The following KAZN variants were observed in gnomAD, a reference collection of about 807,000 sequenced individuals.
KAZN encodes the protein kazrin.
A neutral mutation model predicts 87.4 loss-of-function variants in KAZN; 40 were observed. That is an observed-to-expected ratio of 0.46 (90% CI 0.36 to 0.60). KAZN has a LOEUF of 0.60. Among genes scored for constraint, KAZN ranks in the 20% least tolerant of loss-of-function variants. The pLI is 0.00. For missense variants in KAZN, 898 were observed against 1,073.9 expected, an observed-to-expected ratio of 0.84 and a Z score of 2.29; for synonymous variants, 466 against 458.3, an observed-to-expected ratio of 1.02 and a Z score of -0.22.
intron 2 of KAZN, among the ~76,000 whole-genome samples, chr1:14,537,799 G>A (rs1284640422): frequency 6.6e-6 from 1 of 152,168 alleles, no homozygotes; most frequent in Non-Finnish European, 1.5e-5. Context: ...ATAGCACAAG[G>A]CTTAACTTCA....
chr1:15,024,261 A>C (rs1670964578), intron 2 of KAZN, among the ~76,000 whole-genome samples: 1 of 152,204 alleles, frequency 6.6e-6, no homozygotes, highest in African/African-American at 2.4e-5. Context: ...CATCACCTGC[A>C]TCGCCTGCTG....
intron 2 of KAZN, among the ~76,000 whole-genome samples, chr1:14,251,331 A>G (rs1251789215): frequency 6.6e-6 from 1 of 152,198 alleles, no homozygotes; most frequent in Admixed American, 6.5e-5. Flanking sequence ...GCTCTCAACC[A>G]TTCCCCTCCC....
chr1:14,656,241 G>A (rs999217172), intron 1 of KAZN, among the ~76,000 whole-genome samples: 2 of 152,158 alleles, frequency 1.3e-5, no homozygotes, highest in Non-Finnish European at 2.9e-5. Flanking sequence ...TTGCCATCAG[G>A]GAGGGAGCTG....
At chr1:14,054,132 A>AT (rs1488545762) in intron 1 of KAZN, among the ~76,000 whole-genome samples, 1 of 151,854 alleles carries the variant, frequency 6.6e-6, no homozygotes, top group African/African-American at 2.4e-5. Context: ...TTGAAAAAAA[A>AT]CTCCAAGAAA....
At chr1:14,222,136 C>A (rs565432260) in intron 2 of KAZN, 1 of 152,226 alleles carries the variant, frequency 6.6e-6, no homozygotes, top group African/African-American at 2.4e-5. Flanking sequence ...TAATTTGCTC[C>A]GGATTCTTTG....
rs1191057181 is a variant in KAZN, at chr1:14,781,324, G to GA, written c.227-179352dup. On this transcript the variant is annotated intron_variant, in intron 1 of 14. Coordinates refer to ENST00000376030, the MANE Select transcript of KAZN (RefSeq NM_201628.3). ...GCAACAGAGAAAGACTCTGTCTGAA[G>GA]AAAAAAAACAAAAAACAAAAAAGGC... Among the ~76,000 whole-genome samples the GA allele has an allele frequency of 3.3e-5, 5 of 151,452 alleles. No individual in the cohort carries two copies. In the East Asian group the frequency reaches 5.8e-4, roughly 18 times the overall value.
At chr1:15,015,916 C>T (rs1283277758) in intron 2 of KAZN, among the ~76,000 whole-genome samples, 4 of 152,162 alleles carry the variant, frequency 2.6e-5, no homozygotes, top group African/African-American at 4.8e-5. Flanking sequence ...ACACTGTGAT[C>T]GGAGGGCAGG....
At chr1:14,611,450 C>T (rs1287540331) in intron 1 of KAZN, among the ~76,000 whole-genome samples, 1 of 152,126 alleles carries the variant, frequency 6.6e-6, no homozygotes, top group Non-Finnish European at 1.5e-5. Context: ...TATGCACCCT[C>T]CCGAGGTGGG....
In KAZN at chr1:15,077,786, C is replaced by T. The variant is rs923614552; in HGVS notation, c.1222+12033C>T. Among the ~76,000 whole-genome samples the T allele has an allele frequency of 2.0e-5, 3 of 152,114 alleles. No individual in the cohort carries two copies. Among genetic ancestry groups the T allele is most frequent in the African/African-American group, 4.8e-5 (2 of 41,416 alleles). On this transcript the variant is annotated intron_variant, in intron 8 of 14. Coordinates refer to ENST00000376030, the MANE Select transcript of KAZN (RefSeq NM_201628.3). This position sits in a 1 kb window ranked among gnomAD's most constrained non-coding sequence, Gnocchi z 4.8. ...AGCAGCTGCAGGCCTCCCAGGGATG[C>T]GGACAGGGGCTCAGAATGAGGAATG...
intron 1 of KAZN, among the ~76,000 whole-genome samples, chr1:14,645,256 T>G (rs748933276): frequency 2.0e-5 from 3 of 152,198 alleles, no homozygotes; most frequent in African/African-American, 4.8e-5. Flanking sequence ...CTTTGTTCTT[T>G]TTGCTTGAAG....
At chr1:14,407,112 A>G (rs1663914790) in intron 2 of KAZN, among the ~76,000 whole-genome samples, 1 of 152,178 alleles carries the variant, frequency 6.6e-6, no homozygotes, top group Non-Finnish European at 1.5e-5. Context: ...ACATTACACT[A>G]GCAACATTTG....
intron 1 of KAZN, among the ~76,000 whole-genome samples, chr1:14,683,538 G>T (rs1470290087): frequency 2.0e-5 from 3 of 152,166 alleles, no homozygotes; most frequent in Non-Finnish European, 4.4e-5. Context: ...CCTGTGACAT[G>T]GTGTTGACAC....
chr1:14,263,500 T>C (rs1333550362), intron 2 of KAZN, among the ~76,000 whole-genome samples: 4 of 152,206 alleles, frequency 2.6e-5, no homozygotes, highest in Non-Finnish European at 4.4e-5. Context: ...CTCTCTAATA[T>C]GACTCTGGCA....
At chr1:14,795,476 T>C (rs887131144) in intron 1 of KAZN, among the ~76,000 whole-genome samples, 6 of 152,176 alleles carry the variant, frequency 3.9e-5, no homozygotes, top group Admixed American at 2.0e-4. Flanking sequence ...ACTGTGGAGA[T>C]GGATTTAAGA....
chr1:14,344,614 T>C (rs935464572), intron 2 of KAZN, among the ~76,000 whole-genome samples: 11 of 152,084 alleles, frequency 7.2e-5, no homozygotes, highest in Admixed American at 6.5e-4. Context: ...CATGTCAGAT[T>C]GTGATAAATG....
rs182759569 is a variant in KAZN at position 14,102,369 on chromosome 1, G to T, written c.92-78066G>T. 2.0e-4 allele frequency among the ~76,000 whole-genome samples: 30 copies of T among 152,322 alleles called. No individual in the cohort carries two copies. In the East Asian group the frequency reaches 5.2e-3, roughly 26 times the overall value. On this transcript the variant is annotated intron_variant, in intron 1 of 16. Transcript: ENST00000636203. ...CTGAGCACCTGCCCTCACGCCCTTTGGTTTGTAAACTGCTGCTGGCTTCCT... is the reference window on the plus strand; with the variant it reads ...CTGAGCACCTGCCCTCACGCCCTTTTGTTTGTAAACTGCTGCTGGCTTCCT...
intron 1 of KAZN, among the ~76,000 whole-genome samples, chr1:14,702,326 C>CTGTGTGTGTGTGTG (rs3222186): frequency 0.049 from 6,524 of 133,200 alleles, 219 homozygotes; most frequent in Admixed American, 0.058. Flanking sequence ...TTTTGCAAAA[C>CTGTGTGTGTGTGTG]TGTGTGTGTG....
intron 2 of KAZN, among the ~76,000 whole-genome samples, chr1:14,201,673 C>T (rs1006273460): frequency 5.9e-5 from 9 of 152,234 alleles, no homozygotes; most frequent in African/African-American, 1.9e-4. Flanking sequence ...GTACATTGTT[C>T]GTTTCTTTTC....
chr1:15,088,861 C>T (rs114477639), intron 8 of KAZN, among the ~76,000 whole-genome samples: 2,023 of 152,136 alleles, frequency 0.013, 41 homozygotes, highest in African/African-American at 0.046. Flanking sequence ...TGAACCCAGC[C>T]TGGCCTCTGG....
Sources: allele counts gnomAD v4.1 joint callset (sites outside exome capture counted in the v4.1 genomes callset), GRCh38; gene constraint gnomAD v4.1.1; non-coding constraint Gnocchi (gnomAD v3.1); transcripts MANE v1.5; gene names NCBI Gene and HGNC (gene_info 2026-07-23, HGNC 2026-07-21).